PPL: variants seen among roughly 807,000 people sequenced by gnomAD.
PPL encodes the protein 190 kDa paraneoplastic pemphigus antigen.
A neutral mutation model predicts 194.4 loss-of-function variants in PPL; 198 were observed. That is an observed-to-expected ratio of 1.02 (90% CI 0.91 to 1.15). The LOEUF (loss-of-function observed/expected upper bound fraction) is 1.15, where lower values mean the gene tolerates loss of function less well. PPL is among the 50% of genes most tolerant of loss of function. The probability of loss-of-function intolerance (pLI) is 0.00; values close to 1 mark genes in which losing one functional copy is unlikely to be tolerated. For missense variants in PPL, 2,885 were observed against 2,294.8 expected (o/e 1.26, Z -5.25); for synonymous variants, 1,220 against 972.4 (o/e 1.25, Z -4.74).
chr16:4,901,111 C>A, intron 4 of PPL, 22 bp from the exon 5 acceptor site: 1 of 1,612,506 alleles, frequency 6.2e-7, no homozygotes, highest in South Asian at 1.1e-5. Flanking sequence ...GGCAGAGAAG[C>A]AATAAGGAGA....
chr16:4,889,241 GTTTTTTTTTTTTTTTTT>G lies in PPL; in HGVS notation c.2314-197_2314-181del, dbSNP rs869094472. On this transcript the variant is annotated intron_variant, in intron 18 of 21. Transcript: ENST00000345988. ...AAAAGGCAGTTTTTTTGTTGTTGTT[GTTTTTTTTTTTTTTTTT>G]TTTTTTTTTTTTTTTTGAGACAGTC... 4.5e-5 allele frequency among the ~76,000 whole-genome samples: 3 copies of G among 66,638 alleles called. 1 individual carries two copies. The highest frequency in any genetic ancestry group is 2.3e-4 in the African/African-American group (3 of 13,162). 43.7% of individuals were successfully genotyped at this position (66,638 alleles called of 152,430 possible). A position where few individuals can be genotyped will look rare whatever the true frequency, so the allele number is the denominator to read the frequency against.
chr16:4,897,672 T>C lies in PPL; in HGVS notation c.972+3A>G, dbSNP rs3813753. On this transcript the variant is annotated splice_donor_region_variant and intron_variant, in intron 9 of 21. Transcript: ENST00000345988. ...TGGGGGGACTCCCAGGAAAGGTAAG[T>C]ACCTGGTGGTAGTCCTCCATGTACT... 196 of 1,612,088 alleles carry C rather than the reference T, an allele frequency of 1.2e-4. No homozygotes were observed. The East Asian group carries it at 4.3e-3, about 36-fold the overall frequency.
chr16:4,910,658 C>T, intron 2 of PPL, among the ~76,000 whole-genome samples, 192 bp downstream of exon 2: 1 of 152,204 alleles, frequency 6.6e-6, no homozygotes, highest in Non-Finnish European at 1.5e-5. Flanking sequence ...TCAGCAGCAT[C>T]CCTGTCTCCC....
intron 1 of PPL, among the ~76,000 whole-genome samples, chr16:4,922,225 G>A (rs147503284): frequency 0.025 from 3,847 of 152,274 alleles, 67 homozygotes; most frequent in Middle Eastern, 0.048. Context: ...TGTAAAATGA[G>A]AGTCATCACA....
intron 3 of PPL, among the ~76,000 whole-genome samples, chr16:4,903,174 A>C (rs1049562986): frequency 1.3e-5 from 2 of 152,166 alleles, no homozygotes; most frequent in African/African-American, 4.8e-5. Context: ...GGGCACCGAG[A>C]GAGCCCTGCC....
At chr16:4,927,208 C>A (rs1412958669) in intron 1 of PPL, among the ~76,000 whole-genome samples, 1 of 152,148 alleles carries the variant, frequency 6.6e-6, no homozygotes, top group Admixed American at 6.5e-5. Flanking sequence ...AAGACACACA[C>A]ACTTGAAACT....
intron 1 of PPL, among the ~76,000 whole-genome samples, chr16:4,919,279 G>T (rs996673619): frequency 2.6e-5 from 4 of 152,232 alleles, no homozygotes; most frequent in Non-Finnish European, 5.9e-5. Context: ...CACTACCCAG[G>T]ATCACTTGGG....
Position 4,902,320 on chromosome 16 carries a change from C to T in PPL, c.438+86G>A. 6.4e-7 allele frequency: 1 copy of T among 1,565,138 alleles called. No individual in the cohort carries two copies. Among genetic ancestry groups the T allele is most frequent in the Non-Finnish European group, 8.7e-7 (1 of 1,154,322 alleles). On this transcript the variant is annotated intron_variant, in intron 4 of 21. Transcript: ENST00000345988. This position sits in a 1 kb window ranked among gnomAD's most constrained non-coding sequence, Gnocchi z 4.0. ...GTCTCCCTGGTAAGACCCGGGATGC[C>T]CATTACATGGGTAGGCTCTCCCTGC... is the stretch of plus-strand genomic sequence containing the variant.
intron 1 of PPL, among the ~76,000 whole-genome samples, chr16:4,922,042 C>T (rs2089060562): frequency 6.6e-6 from 1 of 152,188 alleles, no homozygotes; most frequent in Non-Finnish European, 1.5e-5. Flanking sequence ...CTGGGTCTCT[C>T]TTCCTGCTTT....
In PPL at chr16:4,890,750, G is replaced by A. The variant is rs1349269035; in HGVS notation, c.2140C>T (p.Leu714=). The change falls in exon 17 of 22, where the codon CTG becomes TTG. Residue 714 remains leucine (L), a synonymous_variant. Coordinates refer to ENST00000345988, the MANE Select transcript of PPL (RefSeq NM_002705.5). The part of the protein sequence containing the change: ...VHKLGQRFNN[L]RQQVERRAQS... The stretch of plus-strand genomic sequence containing the variant: ...CACCTGCGTTCCACCTGCTGGCGCA[G>A]GTTGTTGAAACGCTGGCCCAGCTTG... 1 of 1,608,436 alleles carries A rather than the reference G, an allele frequency of 6.2e-7. No individual in the cohort carries two copies. The highest frequency in any genetic ancestry group is 1.3e-5 in the African/African-American group (1 of 74,798).
At position 4,888,212 on chromosome 16, in the gene PPL, CAT is replaced by C. The variant is rs753437980; in HGVS notation, c.2402_2403del (p.Tyr801Ter). On this transcript the variant is annotated frameshift_variant, in exon 20 of 22. Coordinates refer to ENST00000345988, the MANE Select transcript of PPL (RefSeq NM_002705.5). LOFTEE classifies it high-confidence loss of function. The stretch of plus-strand genomic sequence containing the variant: ...GACCTTAGTTTTTCTGCTTCTAACT[CAT>C]AGTCCTGCATGAGGGAGAGACATGG... ...SQQYQQAVKD[Y>X]ELEAEKLRSL... 6.3e-7 allele frequency: 1 copy of C among 1,595,958 alleles called. No individual in the cohort carries two copies. Among genetic ancestry groups the C allele is most frequent in the Non-Finnish European group, 8.6e-7 (1 of 1,163,596 alleles).
intron 6 of PPL, among the ~76,000 whole-genome samples, chr16:4,900,417 A>C (rs1476852162): frequency 7.5e-6 from 1 of 133,646 alleles, no homozygotes; most frequent in Non-Finnish European, 1.6e-5. Flanking sequence ...CTCCTGATTG[A>C]AACGTTTACT....
At chr16:4,923,796 G>A (rs1214110626) in intron 1 of PPL, among the ~76,000 whole-genome samples, 1 of 152,118 alleles carries the variant, frequency 6.6e-6, no homozygotes, top group African/African-American at 2.4e-5. Flanking sequence ...CCTTATAAAT[G>A]AAAGCGCTTT....
chr16:4,891,869 T>C lies in PPL; in HGVS notation c.1910A>G (p.Gln637Arg). Reference protein sequence around the residue: ...LLATHENHLNQDDTVPESSRV... With the variant: ...LLATHENHLNRDDTVPESSRV... ...GCTGCTCTCAGGCACTGTGTCATCC[T>C]GATTCAGATGGTTCTCGTGTGTGGC... The change falls in exon 16 of 22, where the codon CAG (glutamine) becomes CGG (arginine). Residue 637 changes from glutamine (Q) to arginine (R), a missense_variant. Gln to Arg is a conservative substitution (Grantham distance 43, BLOSUM62 1). Coordinates refer to ENST00000345988, the MANE Select transcript of PPL (RefSeq NM_002705.5). The C allele has an allele frequency of 1.2e-6, 2 of 1,613,598 alleles. No individual in the cohort carries two copies. The highest frequency in any genetic ancestry group is 1.7e-6 in the Non-Finnish European group (2 of 1,180,012).
chr16:4,892,724 C>A, intron 14 of PPL: 1 of 163,584 alleles, frequency 6.1e-6, no homozygotes, highest in South Asian at 1.9e-4. Flanking sequence ...CTACTCACTG[C>A]CTCAGAGGGC....
At position 4,902,314 on chromosome 16, in the gene PPL, G is replaced by A. The variant is rs2088590096; in HGVS notation, c.438+92C>T. The A allele has an allele frequency of 2.6e-6, 4 of 1,553,380 alleles. No homozygotes were observed. Among genetic ancestry groups the A allele is most frequent in the South Asian group, 1.2e-5 (1 of 82,080 alleles). On this transcript the variant is annotated intron_variant, in intron 4 of 21. Coordinates refer to ENST00000345988, the MANE Select transcript of PPL (RefSeq NM_002705.5). This position sits in a 1 kb window ranked among gnomAD's most constrained non-coding sequence, Gnocchi z 4.0. ...ACGACTGTCTCCCTGGTAAGACCCGGGATGCCCATTACATGGGTAGGCTCT... is the reference window on the plus strand; with the variant it reads ...ACGACTGTCTCCCTGGTAAGACCCGAGATGCCCATTACATGGGTAGGCTCT...
intron 17 of PPL, 135 bp from the exon 18 acceptor site, chr16:4,890,469 T>TG: frequency 8.2e-7 from 1 of 1,221,544 alleles, no homozygotes. Flanking sequence ...ACAGGGTGGG[T>TG]GGTCATTAGG....
chr16:4,935,188 C>T (rs988501857), intron 1 of PPL, among the ~76,000 whole-genome samples: 3 of 152,198 alleles, frequency 2.0e-5, no homozygotes, highest in African/African-American at 7.2e-5. Flanking sequence ...GATGGGATGC[C>T]TTTCATCCTC....
At chr16:4,919,808 A>T (rs1432767687) in intron 1 of PPL, among the ~76,000 whole-genome samples, 1 of 152,098 alleles carries the variant, frequency 6.6e-6, no homozygotes, top group East Asian at 1.9e-4. Flanking sequence ...GTGCACCTGT[A>T]GTCCCAGTTC....
Sources: gnomAD v4.1 joint callset for allele counts (sites outside exome capture counted in the v4.1 genomes callset) on GRCh38, gnomAD v4.1.1 for gene constraint, Gnocchi (gnomAD v3.1) non-coding constraint, MANE v1.5 for transcripts, NCBI Gene and HGNC (gene_info 2026-07-23, HGNC 2026-07-21) for gene names.